PTPN9: variants seen among roughly 807,000 people sequenced by gnomAD.
PTPN9 encodes protein tyrosine phosphatase non-receptor type 9.
Under a neutral mutation model 69.8 loss-of-function variants are expected in PTPN9, and 26 were observed. The ratio of observed to expected loss-of-function variants is 0.37; its 90% CI spans 0.27 to 0.52. The LOEUF is 0.52. Among genes scored for constraint, PTPN9 ranks in the 20% least tolerant of loss-of-function variants. PTPN9 has a pLI of 0.91. For missense variants in PTPN9, 549 were observed against 740.3 expected (o/e 0.74, Z 3.00); for synonymous variants, 274 against 272.5 (o/e 1.01, Z -0.05).
chr15:75,477,655 C>T (rs1465577948), intron 9 of PTPN9, among the ~76,000 whole-genome samples: 1 of 151,848 alleles, frequency 6.6e-6, no homozygotes, highest in African/African-American at 2.4e-5. Context: ...ATATTTTATT[C>T]CTAAATACTT....
At chr15:75,477,206 T>A (rs2074600955) in intron 9 of PTPN9, among the ~76,000 whole-genome samples, 2 of 152,228 alleles carry the variant, frequency 1.3e-5, no homozygotes, top group Admixed American at 6.5e-5. Flanking sequence ...TGCTCATCTA[T>A]AAATTAATAA....
At chr15:75,514,714 A>T (rs1304592212) in intron 5 of PTPN9, among the ~76,000 whole-genome samples, 1 of 152,250 alleles carries the variant, frequency 6.6e-6, no homozygotes, top group East Asian at 1.9e-4. Flanking sequence ...AGAATAATAT[A>T]TTAAAAACTA....
chr15:75,529,779 G>T (rs2074946588), intron 1 of PTPN9, among the ~76,000 whole-genome samples: 1 of 151,114 alleles, frequency 6.6e-6, no homozygotes, highest in Admixed American at 6.6e-5. Context: ...GCATGGTGGT[G>T]CATGTCTGTA....
At chr15:75,559,271 G>A (rs1404875501) in intron 1 of PTPN9, among the ~76,000 whole-genome samples, 2 of 152,218 alleles carry the variant, frequency 1.3e-5, no homozygotes, top group Admixed American at 6.5e-5. Flanking sequence ...TCTGGGAGGT[G>A]TACCCAACAG....
intron 1 of PTPN9, among the ~76,000 whole-genome samples, chr15:75,571,568 G>T (rs1020553412): frequency 5.3e-5 from 8 of 151,970 alleles, no homozygotes; most frequent in African/African-American, 1.9e-4. Context: ...GACCAGCCTG[G>T]GCAACATAGT....
At chr15:75,540,461 G>A (rs1374229376) in intron 1 of PTPN9, among the ~76,000 whole-genome samples, 2 of 151,344 alleles carry the variant, frequency 1.3e-5, no homozygotes, top group African/African-American at 2.4e-5. Context: ...GCTGAAGCAG[G>A]AGAATCGCTT....
intron 1 of PTPN9, among the ~76,000 whole-genome samples, chr15:75,561,212 G>A (rs532113747): frequency 6.6e-6 from 1 of 152,088 alleles, no homozygotes; most frequent in South Asian, 2.1e-4. Flanking sequence ...CTACTTGGGA[G>A]GCTGAGGCAG....
Position 75,578,727 on chromosome 15 carries a change from G to A in PTPN9, c.50C>T (p.Pro17Leu). ...PRPDMAPELT[P>L]EEEQATKQFL... ...GGGCCCGCTTACCTGCTCCTCCTCC[G>A]GGGTCAGCTCCGGCGCCATGTCGGG... Residue 17 changes from proline to leucine, a missense_variant, in exon 1 of 13, where the codon CCG becomes CTG. Physicochemically the swap from Pro to Leu is moderately conservative, Grantham distance 98. Transcript: ENST00000618819. 4.4e-6 allele frequency: 6 copies of A among 1,365,936 alleles called. No homozygotes were observed. Among genetic ancestry groups the A allele is most frequent in the South Asian group, 1.7e-5 (1 of 60,550 alleles). The allele number at this position is 1,365,936 out of a possible 1,614,324, so 84.6% of individuals were successfully genotyped here.
intron 8 of PTPN9, among the ~76,000 whole-genome samples, chr15:75,482,579 A>G (rs1197745087): frequency 6.8e-6 from 1 of 147,746 alleles, no homozygotes; most frequent in East Asian, 2.0e-4. Flanking sequence ...AAAAAAAAAA[A>G]AAAAAAAAAA....
At chr15:75,498,275 G>GT (rs1188703960) in intron 7 of PTPN9, among the ~76,000 whole-genome samples, 2 of 151,844 alleles carry the variant, frequency 1.3e-5, no homozygotes, top group African/African-American at 4.8e-5. Flanking sequence ...ATTACATACA[G>GT]TATGTATGTA....
Position 75,530,760 on chromosome 15 carries a change from A to AT in PTPN9, c.64-3500dup, listed in dbSNP as rs2074958778. Among the ~76,000 whole-genome samples, 6 of 83,888 alleles carry AT rather than the reference A, an allele frequency of 7.2e-5. No homozygotes were observed. In the South Asian group the frequency reaches 1.1e-3, roughly 16 times the overall value. The allele number at this position is 83,888 out of a possible 152,430, so 55.0% of individuals were successfully genotyped here. A position where few individuals can be genotyped will look rare whatever the true frequency, so the allele number is the denominator to read the frequency against. ...TATTATATAATATATATAATATAAT[A>AT]TATTATTATAATTATTATAATATAA... On this transcript the variant is annotated intron_variant, in intron 1 of 12. Transcript: ENST00000618819.
chr15:75,551,662 C>T lies in PTPN9; in HGVS notation c.64-24401G>A, dbSNP rs1057400667. 3.3e-5 allele frequency among the ~76,000 whole-genome samples: 5 copies of T among 152,160 alleles called. No individual in the cohort carries two copies. The South Asian group carries it at 8.3e-4, about 25-fold the overall frequency. On this transcript the variant is annotated intron_variant, in intron 1 of 12. Coordinates refer to ENST00000618819, the MANE Select transcript of PTPN9 (RefSeq NM_002833.4). Reference sequence around the variant, plus strand: ...GATGGCAATGAGCACATTACAGAGGCGTAGCATCCCAAACAAGGAGGCTTA... The same window carrying T: ...GATGGCAATGAGCACATTACAGAGGTGTAGCATCCCAAACAAGGAGGCTTA...
intron 7 of PTPN9, among the ~76,000 whole-genome samples, chr15:75,492,168 T>G (rs2074714716): frequency 3.3e-5 from 5 of 152,190 alleles, no homozygotes; most frequent in Admixed American, 3.3e-4. Context: ...TCACCGAGCC[T>G]GACCTTAAAT....
In PTPN9 at chr15:75,468,644, T is replaced by C; in HGVS notation, c.*125A>G. The C allele has an allele frequency of 1.2e-6, 1 of 841,874 alleles. No homozygotes were observed. The highest frequency in any genetic ancestry group is 1.6e-5 in the South Asian group (1 of 61,486). 52.2% of individuals were successfully genotyped at this position (841,874 alleles called of 1,614,324 possible). ...AAAGGCTGCCTTGCGTGCACACGTGTGCTGGGAGACACAAGAAAGAAGTTG... is the reference window on the plus strand; with the variant it reads ...AAAGGCTGCCTTGCGTGCACACGTGCGCTGGGAGACACAAGAAAGAAGTTG... On this transcript the variant is annotated 3_prime_UTR_variant, in exon 13 of 13. Transcript: ENST00000618819.
At chr15:75,574,287 CA>C (rs1374351542) in intron 1 of PTPN9, among the ~76,000 whole-genome samples, 1,374 of 58,474 alleles carry the variant, frequency 0.023, 7 homozygotes, top group Middle Eastern at 0.056. Context: ...CCTGTCTCCA[CA>C]AAAAAAAAAA....
chr15:75,476,410 G>A (rs747585119), intron 9 of PTPN9, among the ~76,000 whole-genome samples: 7 of 152,118 alleles, frequency 4.6e-5, no homozygotes, highest in South Asian at 2.1e-4. Flanking sequence ...TGCCTGCCGC[G>A]TTCAAGCGAT....
intron 5 of PTPN9, among the ~76,000 whole-genome samples, chr15:75,516,182 T>C (rs1356356976): frequency 2.0e-5 from 3 of 152,164 alleles, no homozygotes; most frequent in East Asian, 1.9e-4. Context: ...TCCAAAATGC[T>C]TGGGACTAGA....
At chr15:75,560,395 G>C (rs1030946776) in intron 1 of PTPN9, among the ~76,000 whole-genome samples, 3 of 152,006 alleles carry the variant, frequency 2.0e-5, no homozygotes, top group African/African-American at 7.2e-5. Context: ...TCATTTTTGG[G>C]GTTTTCAAGG....
intron 1 of PTPN9, among the ~76,000 whole-genome samples, chr15:75,542,618 G>A (rs2075014349): frequency 1.3e-5 from 2 of 152,134 alleles, no homozygotes; most frequent in South Asian, 2.1e-4. Flanking sequence ...CAGTGTTAAT[G>A]ACTTCCTACC....
Sources: gnomAD v4.1 joint callset for allele counts (sites outside exome capture counted in the v4.1 genomes callset) on GRCh38, gnomAD v4.1.1 for gene constraint, MANE v1.5 for transcripts, NCBI Gene and HGNC (gene_info 2026-07-23, HGNC 2026-07-21) for gene names.